TRIP11: variants seen among roughly 807,000 people sequenced by gnomAD.
The protein encoded by TRIP11 is thyroid hormone receptor interactor 11.
A neutral mutation model predicts 223.1 loss-of-function variants in TRIP11; 148 were observed. The ratio of observed to expected loss-of-function variants is 0.66; its 90% CI spans 0.58 to 0.76. The LOEUF is 0.76. Among genes scored for constraint, TRIP11 ranks in the 30% least tolerant of loss-of-function variants. The pLI is 0.00. For synonymous variants in TRIP11, 762 were observed against 772.6 expected (o/e 0.99, Z 0.23); for missense variants, 2,043 against 2,222.0 (o/e 0.92, Z 1.62).
intron 1 of TRIP11, among the ~76,000 whole-genome samples, chr14:92,038,373 C>T (rs759623950): frequency 6.6e-6 from 1 of 152,130 alleles, no homozygotes; most frequent in Non-Finnish European, 1.5e-5. Flanking sequence ...GTGCTTCTGA[C>T]TGCCCTCAAG....
intron 2 of TRIP11, chr14:92,026,793 A>G: frequency 1.6e-6 from 2 of 1,264,240 alleles, no homozygotes; most frequent in Non-Finnish European, 2.3e-6. Context: ...GATGAAGATG[A>G]GGAAGCTGAG....
In TRIP11 at chr14:92,037,081, CG is replaced by C. The variant is rs2057332819; in HGVS notation, c.139+2465del. Reference sequence around the variant, plus strand: ...CAATAAATTAGGTGTTAAGCAAGTCCGATTGAAATACAAAGGGGAAAGAATA... The same window carrying C: ...CAATAAATTAGGTGTTAAGCAAGTCCATTGAAATACAAAGGGGAAAGAATA... On this transcript the variant is annotated intron_variant, in intron 1 of 20. Coordinates refer to ENST00000267622, the MANE Select transcript of TRIP11 (RefSeq NM_004239.4). The surrounding 1 kb of genome is among the most constrained non-coding windows in gnomAD (Gnocchi z 4.2). Among the ~76,000 whole-genome samples, 2 of 152,098 alleles carry C rather than the reference CG, an allele frequency of 1.3e-5. No homozygotes were observed. Among genetic ancestry groups the C allele is most frequent in the South Asian group, 2.1e-4 (1 of 4,830 alleles).
At chr14:91,992,850 A>G (rs181992732) in intron 15 of TRIP11, among the ~76,000 whole-genome samples, 3 of 131,810 alleles carry the variant, frequency 2.3e-5, no homozygotes, top group Non-Finnish European at 4.7e-5. Flanking sequence ...GGGAGTTTGC[A>G]GTGAGCCGAG....
intron 4 of TRIP11, among the ~76,000 whole-genome samples, chr14:92,021,060 ACT>A (rs1287756446): frequency 7.5e-6 from 1 of 133,848 alleles, no homozygotes; most frequent in Non-Finnish European, 1.6e-5. Flanking sequence ...ACAGAGTAAG[ACT>A]CTGTCTCAAA....
At position 92,012,800 on chromosome 14, in the gene TRIP11, C is replaced by T. The variant is rs112407868; in HGVS notation, c.1187-1005G>A. 4.9e-4 allele frequency among the ~76,000 whole-genome samples: 75 copies of T among 152,286 alleles called. 1 individual carries two copies. Among genetic ancestry groups the T allele is most frequent in the African/African-American group, 1.6e-3 (66 of 41,560 alleles). ...CTGAAGAGATAGGCAGGAACTAGAT[C>T]ATGAGAGACATTATCATGTCTAACT... On this transcript the variant is annotated intron_variant, in intron 7 of 20. Transcript: ENST00000267622.
In TRIP11 at chr14:92,028,725, G is replaced by GA. The variant is rs374982799; in HGVS notation, c.202-3306dup. Reference sequence around the variant, plus strand: ...GAATAAATGCATAGAAAGAAGAAAAGAGAGTACAAATGAAAAGAGAGACAG... The same window carrying GA: ...GAATAAATGCATAGAAAGAAGAAAAGAAGAGTACAAATGAAAAGAGAGACAG... On this transcript the variant is annotated intron_variant, in intron 2 of 20. Transcript: ENST00000267622. 7.5e-4 allele frequency among the ~76,000 whole-genome samples: 114 copies of GA among 152,232 alleles called. 1 individual carries two copies. Among genetic ancestry groups the GA allele is most frequent in the African/African-American group, 2.6e-3 (109 of 41,546 alleles).
intron 16 of TRIP11, among the ~76,000 whole-genome samples, chr14:91,981,574 G>T (rs1455407447): frequency 6.6e-6 from 1 of 151,614 alleles, no homozygotes; most frequent in Non-Finnish European, 1.5e-5. Flanking sequence ...TGTATTTTTA[G>T]TAGAGACAGG....
intron 2 of TRIP11, 119 bp downstream of exon 2, chr14:92,033,073 A>G: frequency 1.3e-6 from 1 of 754,686 alleles, no homozygotes; most frequent in African/African-American, 1.8e-5. Context: ...ATCAAAATTA[A>G]ACAAGAAGAG....
chr14:91,969,787 C>T lies in TRIP11; in HGVS notation c.5826G>A (p.Gly1942=). Residue 1942 remains glycine, a synonymous_variant, in exon 21 of 21, where the codon GGG becomes GGA. Coordinates refer to ENST00000267622, the MANE Select transcript of TRIP11 (RefSeq NM_004239.4). The part of the protein sequence containing the change: ...LINPAGLGPG[G]PGHLLLKPIS... ...TGGGTTTCAGAAGAAGATGCCCGGG[C>T]CCACCAGGTCCAAGTCCAGCTGGGT... 1.9e-6 allele frequency: 3 copies of T among 1,614,112 alleles called. No homozygotes were observed. Among genetic ancestry groups the T allele is most frequent in the African/African-American group, 1.3e-5 (1 of 75,022 alleles).
chr14:91,970,402 A>G (rs2056387322), intron 20 of TRIP11, among the ~76,000 whole-genome samples: 1 of 151,804 alleles, frequency 6.6e-6, no homozygotes, highest in Admixed American at 6.6e-5. Context: ...GGCAAGAGCA[A>G]AGCTCCATCT....
At chr14:91,992,079 C>CAAAAAAAAAA (rs3031548) in intron 15 of TRIP11, among the ~76,000 whole-genome samples, 2 of 59,726 alleles carry the variant, frequency 3.3e-5, no homozygotes, top group Non-Finnish European at 5.7e-5. Context: ...AACGCCGTCT[C>CAAAAAAAAAA]AAAAAAAAAA....
At chr14:92,014,095 A>G (rs2057006665) in intron 7 of TRIP11, 120 bp downstream of exon 7, 3 of 1,350,770 alleles carry the variant, frequency 2.2e-6, no homozygotes, top group Non-Finnish European at 3.1e-6. Context: ...CAAATGACAC[A>G]CAGTCATTTC....
intron 2 of TRIP11, among the ~76,000 whole-genome samples, chr14:92,029,055 T>C (rs1459868413): frequency 6.6e-6 from 1 of 152,186 alleles, no homozygotes; most frequent in Non-Finnish European, 1.5e-5. Flanking sequence ...TGGATCTTTT[T>C]ATAAATCTAA....
rs766943626 is a variant in TRIP11 at position 92,040,026 on chromosome 14, G to A, written c.-341C>T. ...TACTCCTGCCAACTCGACGCCGGCCGCCATGACACTCGCTCGGAAAGCGGC... is the reference window on the plus strand; with the variant it reads ...TACTCCTGCCAACTCGACGCCGGCCACCATGACACTCGCTCGGAAAGCGGC... On this transcript the variant is annotated 5_prime_UTR_variant, in exon 1 of 21. Coordinates refer to ENST00000267622, the MANE Select transcript of TRIP11 (RefSeq NM_004239.4). 2 of 426,148 alleles carry A rather than the reference G, an allele frequency of 4.7e-6. No individual in the cohort carries two copies. The highest frequency in any genetic ancestry group is 8.7e-6 in the Non-Finnish European group (2 of 228,684). The allele number at this position is 426,148 out of a possible 1,614,324, so 26.4% of individuals were successfully genotyped here.
At chr14:91,994,052 G>A in intron 14 of TRIP11, 140 bp from the exon 15 acceptor site, 2 of 678,148 alleles carry the variant, frequency 2.9e-6, no homozygotes, top group South Asian at 3.4e-5. Flanking sequence ...TAGTGATAAT[G>A]TTAAGCGGTA....
Position 92,006,212 on chromosome 14 carries a change from TA to T in TRIP11, c.1763del (p.Leu588Ter). The T allele has an allele frequency of 6.2e-7, 1 of 1,613,356 alleles. No individual in the cohort carries two copies. Among genetic ancestry groups the T allele is most frequent in the Non-Finnish European group, 8.5e-7 (1 of 1,179,788 alleles). On this transcript the variant is annotated frameshift_variant, in exon 11 of 21. Transcript: ENST00000267622. LOFTEE classifies it high-confidence loss of function. ...CTTGTGATTTATTTAGCTGATCTAC[TA>T]AATTTTCTACTTTGTCCTCAAGTTT... ...KQKLEDKVEN[L>X]VDQLNKSQES... is the part of the protein sequence containing the mutation.
chr14:91,996,652 TG>T (rs2056755132), intron 13 of TRIP11, among the ~76,000 whole-genome samples: 1 of 152,232 alleles, frequency 6.6e-6, no homozygotes, highest in Non-Finnish European at 1.5e-5. Context: ...TAAGGAACCC[TG>T]GAAGTCATTT....
chr14:91,981,554 C>T (rs1338412671), intron 16 of TRIP11, among the ~76,000 whole-genome samples: 1 of 151,546 alleles, frequency 6.6e-6, no homozygotes, highest in Non-Finnish European at 1.5e-5. Context: ...CCACACCTGG[C>T]CAATTTTTTT....
At chr14:92,028,344 G>A (rs1223482749) in intron 2 of TRIP11, among the ~76,000 whole-genome samples, 1 of 152,102 alleles carries the variant, frequency 6.6e-6, no homozygotes, top group Non-Finnish European at 1.5e-5. Context: ...AGGATCACTT[G>A]AGCCCAGGAG....
Sources: gnomAD v4.1 joint callset for allele counts (sites outside exome capture counted in the v4.1 genomes callset) on GRCh38, gnomAD v4.1.1 for gene constraint, Gnocchi (gnomAD v3.1) non-coding constraint, MANE v1.5 for transcripts, NCBI Gene and HGNC (gene_info 2026-07-23, HGNC 2026-07-21) for gene names.